MACROD2: variants seen among roughly 807,000 people sequenced by gnomAD.
The protein encoded by MACROD2 is ADP-ribose glycohydrolase MACROD2.
A neutral mutation model predicts 70.4 loss-of-function variants in MACROD2; 36 were observed. The ratio of observed to expected loss-of-function variants is 0.51; its 90% CI spans 0.39 to 0.68. The LOEUF is 0.68. Ranked by LOEUF, MACROD2 falls within the 30% of genes least tolerant of loss-of-function variation. The probability of loss-of-function intolerance (pLI) is 0.00; values close to 1 mark genes in which losing one functional copy is unlikely to be tolerated. For synonymous variants in MACROD2, 172 were observed against 178.8 expected (o/e 0.96, Z 0.30); for missense variants, 496 against 538.4 (o/e 0.92, Z 0.78).
At chr20:14,121,473 A>G (rs2054588539) in intron 3 of MACROD2, among the ~76,000 whole-genome samples, 1 of 152,050 alleles carries the variant, frequency 6.6e-6, no homozygotes, top group Admixed American at 6.6e-5. Context: ...TATTAAATTG[A>G]TATTGTAGGT....
At chr20:14,261,972 T>C (rs1387293767) in intron 3 of MACROD2, among the ~76,000 whole-genome samples, 2 of 151,812 alleles carry the variant, frequency 1.3e-5, no homozygotes, top group Admixed American at 6.6e-5. Context: ...TTTTGGAAAA[T>C]GAGGTCAAGA....
intron 8 of MACROD2, among the ~76,000 whole-genome samples, chr20:15,710,213 A>AAAAAAC (rs2050606103): frequency 7.3e-6 from 1 of 136,822 alleles, no homozygotes; most frequent in Non-Finnish European, 1.6e-5. Flanking sequence ...AAAAAAAAAA[A>AAAAAAC]CAATTGCGGG....
chr20:15,009,474 G>A (rs559764922), intron 5 of MACROD2, among the ~76,000 whole-genome samples: 20 of 152,248 alleles, frequency 1.3e-4, no homozygotes, highest in African/African-American at 3.6e-4. Context: ...CACTCCAGGT[G>A]TGTATCTTCT....
chr20:14,734,879 G>A (rs2071643821), intron 5 of MACROD2, among the ~76,000 whole-genome samples: 1 of 152,002 alleles, frequency 6.6e-6, no homozygotes, highest in African/African-American at 2.4e-5. Context: ...CAAGACCATT[G>A]CATGGACAAA....
chr20:15,817,924 C>T (rs983875943), intron 8 of MACROD2, among the ~76,000 whole-genome samples: 1 of 152,216 alleles, frequency 6.6e-6, no homozygotes, highest in Admixed American at 6.5e-5. Context: ...ATGCCAGTTA[C>T]CTACTGGACC....
chr20:15,430,208 G>T (rs2046347185), intron 6 of MACROD2, among the ~76,000 whole-genome samples: 1 of 151,314 alleles, frequency 6.6e-6, no homozygotes, highest in African/African-American at 2.4e-5. Flanking sequence ...TTGTGAATTT[G>T]TATTGTATTT....
chr20:14,684,468 T>G (rs1021315569), intron 4 of MACROD2, among the ~76,000 whole-genome samples: 1 of 152,278 alleles, frequency 6.6e-6, no homozygotes, highest in African/African-American at 2.4e-5. Context: ...TGAGCATTTC[T>G]TCTCAACCCT....
chr20:14,636,160 G>A (rs1338654974), intron 4 of MACROD2, among the ~76,000 whole-genome samples: 2 of 152,008 alleles, frequency 1.3e-5, no homozygotes, highest in Non-Finnish European at 2.9e-5. Context: ...CTATGAAAAT[G>A]GATCATTTTA....
intron 12 of MACROD2, among the ~76,000 whole-genome samples, chr20:15,939,102 T>C (rs560846813): frequency 2.6e-5 from 4 of 152,340 alleles, no homozygotes; most frequent in Admixed American, 2.6e-4. Context: ...TTCCATTACA[T>C]TAATGTGCAA....
chr20:14,218,697 CA>C (rs1228940033), intron 3 of MACROD2, among the ~76,000 whole-genome samples: 3 of 152,176 alleles, frequency 2.0e-5, no homozygotes, highest in Non-Finnish European at 4.4e-5. Context: ...AGATTTAGAG[CA>C]ACTTTTAGCA....
chr20:15,310,357 C>T (rs538099588), intron 6 of MACROD2, among the ~76,000 whole-genome samples: 5 of 150,332 alleles, frequency 3.3e-5, no homozygotes, highest in East Asian at 4.0e-4. Flanking sequence ...AGATTTCATG[C>T]GTCTGGTCAG....
At chr20:14,216,840 AT>A (rs1386317931) in intron 3 of MACROD2, among the ~76,000 whole-genome samples, 2 of 151,858 alleles carry the variant, frequency 1.3e-5, no homozygotes, top group Non-Finnish European at 2.9e-5. Flanking sequence ...AGAGCTACTG[AT>A]TTGTGTACAT....
At chr20:15,226,238 A>G (rs967642792) in intron 5 of MACROD2, among the ~76,000 whole-genome samples, 2 of 152,196 alleles carry the variant, frequency 1.3e-5, no homozygotes, top group Non-Finnish European at 2.9e-5. Flanking sequence ...TGGGACTTAC[A>G]ACCTGTAGTC....
intron 6 of MACROD2, among the ~76,000 whole-genome samples, chr20:15,288,263 C>T (rs2077509593): frequency 6.6e-6 from 1 of 152,188 alleles, no homozygotes; most frequent in Admixed American, 6.5e-5. Flanking sequence ...CTCTCCATGC[C>T]TCTGCTTTGC....
At chr20:14,414,754 C>CT (rs2083785393) in intron 3 of MACROD2, among the ~76,000 whole-genome samples, 1 of 152,096 alleles carries the variant, frequency 6.6e-6, no homozygotes, top group Admixed American at 6.6e-5. Context: ...TTTGTGTAGG[C>CT]TTTGCACTGC....
intron 2 of MACROD2, among the ~76,000 whole-genome samples, chr20:14,039,864 G>A (rs1427227665): frequency 1.3e-5 from 2 of 151,250 alleles, no homozygotes; most frequent in African/African-American, 4.9e-5. Context: ...TGAAGACTAC[G>A]CATTTACCCA....
intron 5 of MACROD2, among the ~76,000 whole-genome samples, chr20:14,897,365 G>A (rs1030984801): frequency 6.6e-6 from 1 of 152,028 alleles, no homozygotes; most frequent in Non-Finnish European, 1.5e-5. Flanking sequence ...CTGTCAATTA[G>A]TTCTTATAAT....
chr20:15,274,940 T>C (rs2077377318), intron 6 of MACROD2, among the ~76,000 whole-genome samples: 1 of 151,996 alleles, frequency 6.6e-6, no homozygotes, highest in Non-Finnish European at 1.5e-5. Context: ...AGTGGGCCTA[T>C]AGGAGTGGGG....
chr20:14,744,065 A>G (rs2071768083), intron 5 of MACROD2, among the ~76,000 whole-genome samples: 1 of 152,214 alleles, frequency 6.6e-6, no homozygotes, highest in African/African-American at 2.4e-5. Context: ...TCAACTTTAG[A>G]TCATTCAAAT....
Sources: gnomAD v4.1 joint callset for allele counts (sites outside exome capture counted in the v4.1 genomes callset) on GRCh38, gnomAD v4.1.1 for gene constraint, MANE v1.5 for transcripts, NCBI Gene and HGNC (gene_info 2026-07-23, HGNC 2026-07-21) for gene names.